ZDHHC14: variants seen among roughly 807,000 people sequenced by gnomAD.
ZDHHC14 encodes zDHHC palmitoyltransferase 14, also known as palmitoyltransferase ZDHHC14.
Under a neutral mutation model 47.7 loss-of-function variants are expected in ZDHHC14, and 16 were observed. The ratio of observed to expected loss-of-function variants is 0.34; its 90% confidence interval spans 0.23 to 0.51. The LOEUF (loss-of-function observed/expected upper bound fraction) is 0.51. Among genes scored for constraint, ZDHHC14 ranks in the 20% least tolerant of loss-of-function variants. The pLI is 0.97. For synonymous variants in ZDHHC14, 293 were observed against 278.9 expected, an observed-to-expected ratio of 1.05 and a Z score of -0.50; for missense variants, 515 against 662.5, an observed-to-expected ratio of 0.78 and a Z score of 2.44.
chr6:157,382,336 G>GCCTCCC (rs1399407414), intron 1 of ZDHHC14, 70 bp downstream of exon 1: 2 of 1,554,898 alleles, frequency 1.3e-6, no homozygotes, highest in Non-Finnish European at 1.7e-6. Context: ...CCCTCCTCGG[G>GCCTCCC]CTGCTTTCGT....
At chr6:157,540,910 G>GTGTGTATATA (rs1284429244) in intron 1 of ZDHHC14, among the ~76,000 whole-genome samples, 119 of 122,970 alleles carry the variant, frequency 9.7e-4, no homozygotes, top group South Asian at 4.2e-3. Flanking sequence ...GTGTGTGTGT[G>GTGTGTATATA]TATATATATA....
chr6:157,548,977 C>G (rs1280608295), intron 2 of ZDHHC14, among the ~76,000 whole-genome samples: 1 of 152,212 alleles, frequency 6.6e-6, no homozygotes, highest in Non-Finnish European at 1.5e-5. Flanking sequence ...GGCATTTGCC[C>G]ACCATCTGTA....
At position 157,517,550 on chromosome 6, in the gene ZDHHC14, A is replaced by T. The variant is rs1359997334; in HGVS notation, c.246-25035A>T. 2.0e-5 allele frequency among the ~76,000 whole-genome samples: 3 copies of T among 152,184 alleles called. No homozygotes were observed. In the East Asian group the frequency reaches 5.8e-4, roughly 29 times the overall value. On this transcript the variant is annotated intron_variant, in intron 1 of 8. Coordinates refer to ENST00000359775, the MANE Select transcript of ZDHHC14 (RefSeq NM_024630.3). ...GATCTCGAACTCCTGACCTCAAGTG[A>T]TCCATTCGCCTTGGCCTCCCAAAGT... is the stretch of plus-strand genomic sequence containing the variant.
At chr6:157,540,420 C>T (rs907751148) in intron 1 of ZDHHC14, among the ~76,000 whole-genome samples, 7 of 152,178 alleles carry the variant, frequency 4.6e-5, no homozygotes, top group Admixed American at 2.0e-4. Context: ...CACCAAGCTG[C>T]GTCTCAGACC....
intron 8 of ZDHHC14, among the ~76,000 whole-genome samples, chr6:157,662,144 A>G (rs1447889227): frequency 6.7e-6 from 1 of 148,742 alleles, no homozygotes; most frequent in Non-Finnish European, 1.5e-5. Context: ...CAATTTACAG[A>G]GCACTGAGAC....
At chr6:157,493,771 G>A (rs576829697) in intron 1 of ZDHHC14, among the ~76,000 whole-genome samples, 3 of 152,374 alleles carry the variant, frequency 2.0e-5, no homozygotes, top group East Asian at 1.9e-4. Context: ...CAGGTCCGCC[G>A]TCCTGTCTGG....
chr6:157,395,666 C>T (rs777361514), intron 1 of ZDHHC14, among the ~76,000 whole-genome samples: 5 of 152,020 alleles, frequency 3.3e-5, no homozygotes, highest in Admixed American at 1.3e-4. Flanking sequence ...TGGTGGCACA[C>T]GCCTGTAGTC....
rs532170929 is a variant in ZDHHC14 at position 157,587,331 on chromosome 6, G to C, written c.407-5657G>C. ...CCAGTGATTTCTATCCAGTGCTCAG[G>C]GGAAGCACACAGCCGTGCCATCTCT... On this transcript the variant is annotated intron_variant, in intron 2 of 8. Coordinates refer to ENST00000359775, the MANE Select transcript of ZDHHC14 (RefSeq NM_024630.3). Among the ~76,000 whole-genome samples, 9 of 152,286 alleles carry C rather than the reference G, an allele frequency of 5.9e-5. No individual in the cohort carries two copies. The South Asian group carries it at 1.9e-3, about 32-fold the overall frequency.
At chr6:157,407,162 C>G (rs1777781461) in intron 1 of ZDHHC14, among the ~76,000 whole-genome samples, 1 of 152,142 alleles carries the variant, frequency 6.6e-6, no homozygotes, top group Non-Finnish European at 1.5e-5. Flanking sequence ...GTGACCAGTC[C>G]ACAGCCGCCC....
At chr6:157,555,334 G>T (rs138356362) in intron 2 of ZDHHC14, among the ~76,000 whole-genome samples, 2,801 of 152,312 alleles carry the variant, frequency 0.018, 85 homozygotes, top group African/African-American at 0.064. Flanking sequence ...TGATGAGGCT[G>T]CCTGACCCCC....
chr6:157,647,755 C>T (rs1046212532), intron 7 of ZDHHC14, among the ~76,000 whole-genome samples: 5 of 152,116 alleles, frequency 3.3e-5, no homozygotes, highest in African/African-American at 7.2e-5. Flanking sequence ...AAACCAGTTT[C>T]GAAAGTTGAT....
At chr6:157,546,545 T>G (rs1207724364) in intron 2 of ZDHHC14, among the ~76,000 whole-genome samples, 1 of 152,116 alleles carries the variant, frequency 6.6e-6, no homozygotes, top group Admixed American at 6.5e-5. Context: ...TGCCTTACAC[T>G]TCTCTCTTCT....
At chr6:157,538,433 T>G (rs145200802) in intron 1 of ZDHHC14, among the ~76,000 whole-genome samples, 1 of 152,366 alleles carries the variant, frequency 6.6e-6, no homozygotes, top group African/African-American at 2.4e-5. Flanking sequence ...GCTGAGGGTA[T>G]GGGTGACTTG....
chr6:157,592,790 T>A, intron 2 of ZDHHC14, 198 bp from the exon 3 acceptor site: 1 of 1,404,482 alleles, frequency 7.1e-7, no homozygotes, highest in Non-Finnish European at 9.3e-7. Context: ...ACGTGGCCCC[T>A]GCACGTGTGC....
intron 1 of ZDHHC14, among the ~76,000 whole-genome samples, chr6:157,508,095 C>T (rs1233904427): frequency 6.6e-6 from 1 of 152,156 alleles, no homozygotes; most frequent in East Asian, 1.9e-4. Flanking sequence ...TTGAACCTGA[C>T]CTTGTCCCCA....
intron 1 of ZDHHC14, among the ~76,000 whole-genome samples, chr6:157,477,470 CA>C (rs761367822): frequency 6.6e-6 from 1 of 152,220 alleles, no homozygotes; most frequent in Non-Finnish European, 1.5e-5. Flanking sequence ...AAGATTTCAC[CA>C]AAAAACTGTT....
At chr6:157,387,906 A>G (rs1327558448) in intron 1 of ZDHHC14, among the ~76,000 whole-genome samples, 3 of 152,088 alleles carry the variant, frequency 2.0e-5, no homozygotes, top group Admixed American at 6.5e-5. Flanking sequence ...ACCTCTGTAC[A>G]TTAATAAAAA....
intron 1 of ZDHHC14, among the ~76,000 whole-genome samples, chr6:157,435,259 C>T (rs917697805): frequency 3.9e-5 from 6 of 152,154 alleles, no homozygotes; most frequent in Non-Finnish European, 8.8e-5. Flanking sequence ...GGCAGGTTGC[C>T]GTCTAATCCA....
intron 1 of ZDHHC14, among the ~76,000 whole-genome samples, chr6:157,480,671 A>G (rs142092484): frequency 1.8e-3 from 275 of 152,254 alleles, no homozygotes; most frequent in African/African-American, 5.6e-3. Flanking sequence ...CATGCTCTGG[A>G]TTGGATCAGA....
Sources: allele counts gnomAD v4.1 joint callset (sites outside exome capture counted in the v4.1 genomes callset), GRCh38; gene constraint gnomAD v4.1.1; transcripts MANE v1.5; gene names NCBI Gene and HGNC (gene_info 2026-07-23, HGNC 2026-07-21).